The following EPHA6 variants were observed in gnomAD, a reference collection of about 807,000 sequenced individuals.
The protein encoded by EPHA6 is ephrin type-A receptor 6.
In EPHA6, 50 loss-of-function variants were observed where a neutral mutation model predicts 112.0. The ratio of observed to expected loss-of-function variants is 0.45; its 90% CI spans 0.36 to 0.56. The LOEUF is 0.56. Ranked by LOEUF, EPHA6 falls within the 20% of genes least tolerant of loss-of-function variation. The pLI, the probability that EPHA6 is intolerant of heterozygous loss-of-function variation, is 0.00. For missense variants in EPHA6, 1,280 were observed against 1,417.4 expected (o/e 0.90, Z 1.56); for synonymous variants, 529 against 490.7 (o/e 1.08, Z -1.03).
chr3:96,909,317 A>G (rs1221213668), intron 2 of EPHA6, among the ~76,000 whole-genome samples: 4 of 152,022 alleles, frequency 2.6e-5, no homozygotes, highest in African/African-American at 7.2e-5. Flanking sequence ...CAGTAGATCT[A>G]TAATCTTTGA....
At chr3:97,148,204 T>C (rs1290617097) in intron 3 of EPHA6, among the ~76,000 whole-genome samples, 1 of 152,082 alleles carries the variant, frequency 6.6e-6, no homozygotes, top group Non-Finnish European at 1.5e-5. Context: ...GTCACATGGC[T>C]TATGCATGTA....
chr3:96,923,582 GT>G (rs1420913000), intron 2 of EPHA6, among the ~76,000 whole-genome samples: 1 of 152,008 alleles, frequency 6.6e-6, no homozygotes, highest in Non-Finnish European at 1.5e-5. Context: ...TATCTTGTAG[GT>G]TGTGTGTTCA....
chr3:97,440,730 G>A (rs2090093107), intron 6 of EPHA6, among the ~76,000 whole-genome samples: 1 of 151,516 alleles, frequency 6.6e-6, no homozygotes, highest in Non-Finnish European at 1.5e-5. Context: ...GAAGGAATGA[G>A]CAAGTGTAAA....
At chr3:97,533,114 C>T (rs1050647492) in intron 11 of EPHA6, among the ~76,000 whole-genome samples, 1 of 151,608 alleles carries the variant, frequency 6.6e-6, no homozygotes, top group Non-Finnish European at 1.5e-5. Flanking sequence ...TTCAAAAATC[C>T]AAAATTAGCA....
In EPHA6 at chr3:97,654,586, C is replaced by T. The variant is rs1311390219; in HGVS notation, c.2784+16504C>T. Among the ~76,000 whole-genome samples, 4 of 151,878 alleles carry T rather than the reference C, an allele frequency of 2.6e-5. No individual in the cohort carries two copies. In the East Asian group the frequency reaches 7.8e-4, roughly 29 times the overall value. On this transcript the variant is annotated intron_variant, in intron 14 of 17. Transcript: ENST00000389672. ...AATATTTCTTTAATAAGGTTGTCAC[C>T]TTTGAAGTAAGACCTGAAAATTGTA...
intron 3 of EPHA6, among the ~76,000 whole-genome samples, chr3:97,215,769 C>CAT (rs972816671): frequency 6.6e-6 from 1 of 151,948 alleles, no homozygotes; most frequent in Non-Finnish European, 1.5e-5. Flanking sequence ...AAATTATAAA[C>CAT]ATATTTTGAA....
chr3:96,824,376 C>T (rs1049762314), intron 1 of EPHA6, among the ~76,000 whole-genome samples: 2 of 151,622 alleles, frequency 1.3e-5, no homozygotes, highest in Non-Finnish European at 1.5e-5. Context: ...TTTGTCATTG[C>T]AATATATCTG....
chr3:97,470,408 C>T (rs2107440266), intron 7 of EPHA6, among the ~76,000 whole-genome samples: 2 of 151,804 alleles, frequency 1.3e-5, no homozygotes, highest in Middle Eastern at 3.4e-3. Context: ...TCTTCAATAA[C>T]TTTAAAAATA....
intron 5 of EPHA6, among the ~76,000 whole-genome samples, chr3:97,324,415 T>TTCTTTCTTTCTTTC (rs2082278380): frequency 2.6e-4 from 35 of 134,134 alleles, no homozygotes; most frequent in African/African-American, 9.5e-4. Flanking sequence ...TTTTCTTTCT[T>TTCTTTCTTTCTTTC]TCTTTCTTTC....
chr3:97,235,332 T>A (rs991886310), intron 4 of EPHA6, among the ~76,000 whole-genome samples: 42 of 152,224 alleles, frequency 2.8e-4, no homozygotes, highest in African/African-American at 9.9e-4. Context: ...GTATTATTGC[T>A]TTCTCTCTCA....
intron 10 of EPHA6, among the ~76,000 whole-genome samples, chr3:97,486,507 G>T (rs1457964746): frequency 6.6e-6 from 1 of 152,198 alleles, no homozygotes; most frequent in African/African-American, 2.4e-5. Flanking sequence ...CTGAAGTCAA[G>T]ATTGAGGGGC....
intron 2 of EPHA6, among the ~76,000 whole-genome samples, chr3:96,912,199 G>T (rs2039253851): frequency 6.6e-6 from 1 of 152,030 alleles, no homozygotes; most frequent in East Asian, 1.9e-4. Flanking sequence ...AATTGAATAG[G>T]ATTATAAATA....
chr3:96,894,666 A>G (rs987190208), intron 2 of EPHA6, among the ~76,000 whole-genome samples: 4 of 152,202 alleles, frequency 2.6e-5, no homozygotes, highest in Non-Finnish European at 5.9e-5. Flanking sequence ...CCGAGAATGT[A>G]TATGATGCAA....
intron 5 of EPHA6, among the ~76,000 whole-genome samples, chr3:97,343,062 G>T (rs1470985415): frequency 6.6e-6 from 1 of 152,078 alleles, no homozygotes; most frequent in Non-Finnish European, 1.5e-5. Flanking sequence ...TCCTGTGAAG[G>T]GAATTTTAAA....
Position 97,448,651 on chromosome 3 carries a change from T to G in EPHA6, c.1815T>G (p.Tyr605Ter). Reference sequence around the variant, plus strand: ...CAGGTCTTAAGCCAGCCACCAAATATGTATTTCACATCCGAGTGAGAACTG... The same window carrying G: ...CAGGTCTTAAGCCAGCCACCAAATAGGTATTTCACATCCGAGTGAGAACTG... ...IITGLKPATK[Y>*]VFHIRVRTAT... The change falls in exon 7 of 18, where the codon TAT becomes TAG. Residue 605 changes from tyrosine to a stop codon, truncating the protein, a stop_gained. Transcript: ENST00000389672. LOFTEE classifies it high-confidence loss of function. 1 of 1,613,602 alleles carries G rather than the reference T, an allele frequency of 6.2e-7. No individual in the cohort carries two copies. The highest frequency in any genetic ancestry group is 8.5e-7 in the Non-Finnish European group (1 of 1,179,620).
intron 5 of EPHA6, among the ~76,000 whole-genome samples, chr3:97,330,001 G>A (rs148170629): frequency 0.022 from 3,327 of 152,150 alleles, 65 homozygotes; most frequent in African/African-American, 0.054. Flanking sequence ...TGTATAAGGC[G>A]TAAGGAAGGG....
At chr3:97,264,667 C>T (rs1383308544) in intron 5 of EPHA6, among the ~76,000 whole-genome samples, 1 of 152,182 alleles carries the variant, frequency 6.6e-6, no homozygotes, top group African/African-American at 2.4e-5. Flanking sequence ...TTTGGTGGGT[C>T]CCAAGTTCTT....
chr3:97,008,990 A>T (rs932224198), intron 3 of EPHA6, among the ~76,000 whole-genome samples: 3 of 152,098 alleles, frequency 2.0e-5, no homozygotes, highest in African/African-American at 7.2e-5. Flanking sequence ...AGCAGCAAAG[A>T]TGGGTGCCTT....
chr3:96,873,854 T>C (rs947722804), intron 2 of EPHA6, among the ~76,000 whole-genome samples: 1 of 152,132 alleles, frequency 6.6e-6, no homozygotes, highest in African/African-American at 2.4e-5. Context: ...GTGTCATGAG[T>C]CTGTAAAAGA....
Sources: allele counts gnomAD v4.1 joint callset (sites outside exome capture counted in the v4.1 genomes callset), GRCh38; gene constraint gnomAD v4.1.1; transcripts MANE v1.5; gene names NCBI Gene and HGNC (gene_info 2026-07-23, HGNC 2026-07-21).